The following SATB1 variants were observed in gnomAD, a reference collection of about 807,000 sequenced individuals.
The protein encoded by SATB1 is SATB homeobox 1.
Under a neutral mutation model 86.9 loss-of-function variants are expected in SATB1, and 11 were observed. The observed-to-expected ratio is 0.13, with a 90% CI of 0.08 to 0.21. SATB1 has a LOEUF of 0.21. Ranked by LOEUF, SATB1 falls within the 10% of genes least tolerant of loss-of-function variation. SATB1 has a pLI of 1.00. For synonymous variants in SATB1, 357 were observed against 357.2 expected, an observed-to-expected ratio of 1.00 and a Z score of 0.01; for missense variants, 551 against 937.6, an observed-to-expected ratio of 0.59 and a Z score of 5.39.
chr3:18,439,982 C>T (rs115797892), upstream of SATB1, among the ~76,000 whole-genome samples: 5,394 of 152,118 alleles, frequency 0.035, 117 homozygotes, highest in South Asian at 0.084. Flanking sequence ...AAAAGCTTAG[C>T]GAGTCAATCA....
At chr3:18,439,702 G>T (rs981957906), upstream of SATB1, among the ~76,000 whole-genome samples, 1 of 152,182 alleles carries the variant, frequency 6.6e-6, no homozygotes, top group Non-Finnish European at 1.5e-5. Flanking sequence ...ATGTGACTAG[G>T]TATTGATAAC....
chr3:18,400,180 TA>T (rs1697183006), intron 5 of SATB1, among the ~76,000 whole-genome samples: 3 of 152,156 alleles, frequency 2.0e-5, no homozygotes, highest in Admixed American at 2.0e-4. Context: ...GTACAGATAG[TA>T]GGCCAAGTTC....
intron 2 of SATB1, among the ~76,000 whole-genome samples, chr3:18,431,624 A>G (rs1698893979): frequency 6.6e-6 from 1 of 152,202 alleles, no homozygotes; most frequent in Non-Finnish European, 1.5e-5. Flanking sequence ...TTTGGCATCT[A>G]CCAGGTTAGG....
chr3:18,354,364 C>T (rs1186729205), intron 9 of SATB1, among the ~76,000 whole-genome samples: 1 of 152,228 alleles, frequency 6.6e-6, no homozygotes, highest in South Asian at 2.1e-4. Flanking sequence ...CCCTCTCCCC[C>T]TTGTCTGCCT....
intron 5 of SATB1, among the ~76,000 whole-genome samples, chr3:18,412,869 C>T (rs986757986): frequency 6.6e-6 from 1 of 151,928 alleles, no homozygotes; most frequent in Non-Finnish European, 1.5e-5. Context: ...GTATCAGATT[C>T]ATAGAAAAAG....
At chr3:18,350,840 T>C (rs1454878120) in intron 10 of SATB1, 2 of 161,276 alleles carry the variant, frequency 1.2e-5, no homozygotes, top group African/African-American at 2.4e-5. Flanking sequence ...TAGTTATACG[T>C]ATCTATCTAT....
rs771391639 is a variant in SATB1, at chr3:18,394,723, T to A, written c.945A>T (p.Gln315His). Reference sequence around the variant, plus strand: ...CCATCACCAGCTGCTGGTTGACCAATTGAGGACTGATAGGTGTTGATACGA... The same window carrying A: ...CCATCACCAGCTGCTGGTTGACCAAATGAGGACTGATAGGTGTTGATACGA... Reference protein sequence around the residue: ...PGLVSTPISPQLVNQQLVMAQ... With the variant: ...PGLVSTPISPHLVNQQLVMAQ... The change falls in exon 7 of 11, where the codon CAA (glutamine) becomes CAT (histidine). Residue 315 changes from glutamine (Q) to histidine (H), a missense_variant. By Grantham distance (24) the Gln-to-His change is conservative. Coordinates refer to ENST00000338745, the MANE Select transcript of SATB1 (RefSeq NM_002971.6). The surrounding 1 kb of genome is among the most constrained non-coding windows in gnomAD (Gnocchi z 5.9). 1.2e-6 allele frequency: 2 copies of A among 1,613,986 alleles called. No individual in the cohort carries two copies.
At chr3:18,393,515 A>C (rs1696800850) in intron 7 of SATB1, among the ~76,000 whole-genome samples, 2 of 152,096 alleles carry the variant, frequency 1.3e-5, no homozygotes, top group Admixed American at 1.3e-4. Context: ...CATATATATC[A>C]CTTTTTCTCC....
intron 9 of SATB1, among the ~76,000 whole-genome samples, chr3:18,370,460 G>C (rs960915067): frequency 2.6e-5 from 3 of 116,438 alleles, no homozygotes; most frequent in Middle Eastern, 6.8e-3. Flanking sequence ...TTGGGGAAAA[G>C]TATCTTAAAT....
intron 8 of SATB1, among the ~76,000 whole-genome samples, chr3:18,382,031 C>A (rs1696090356): frequency 6.6e-6 from 1 of 152,084 alleles, no homozygotes; most frequent in South Asian, 2.1e-4. Flanking sequence ...TCAAGGGATT[C>A]ATAAGAAATA....
chr3:18,357,538 G>A (rs1694705442), intron 9 of SATB1, among the ~76,000 whole-genome samples: 1 of 128,388 alleles, frequency 7.8e-6, no homozygotes, highest in Non-Finnish European at 1.6e-5. Context: ...CTAATAGAGG[G>A]CAATTTTTTT....
rs757019065 is a variant in SATB1 at position 18,349,656 on chromosome 3, CTGCTGT to C, written c.1800_1805del (p.Gln606_Gln607del). ...GCGGCGGTGCCTGCTGCTGCTGCTG[CTGCTGT>C]TGCTGTTGCTGCTGCTGTTGCTGCA... is the stretch of plus-strand genomic sequence containing the variant. On this transcript the variant is annotated inframe_deletion, in exon 11 of 11. Coordinates refer to ENST00000338745, the MANE Select transcript of SATB1 (RefSeq NM_002971.6). The surrounding 1 kb of genome is among the most constrained non-coding windows in gnomAD (Gnocchi z 5.5). 90 of 1,609,530 alleles carry C rather than the reference CTGCTGT, an allele frequency of 5.6e-5. No homozygotes were observed. Among genetic ancestry groups the C allele is most frequent in the Non-Finnish European group, 7.0e-5 (83 of 1,178,408 alleles).
intron 9 of SATB1, among the ~76,000 whole-genome samples, chr3:18,368,234 G>C (rs1351056943): frequency 6.6e-6 from 1 of 152,174 alleles, no homozygotes; most frequent in Non-Finnish European, 1.5e-5. Context: ...TATAGGAATT[G>C]AATCAAATAT....
intron 1 of SATB1, among the ~76,000 whole-genome samples, chr3:18,437,151 C>T (rs2125205461): frequency 6.6e-6 from 1 of 152,048 alleles, no homozygotes; most frequent in Admixed American, 6.6e-5. Context: ...AATTATTCCA[C>T]AAAAAGAAGT....
chr3:18,369,444 A>C (rs1168863198), intron 9 of SATB1, among the ~76,000 whole-genome samples: 1 of 152,190 alleles, frequency 6.6e-6, no homozygotes, highest in Non-Finnish European at 1.5e-5. Context: ...ATAACCTGGA[A>C]AAAAACTAGA....
At position 18,421,024 on chromosome 3, in the gene SATB1, T is replaced by C. The variant is rs941092439; in HGVS notation, c.-24-33A>G. The stretch of plus-strand genomic sequence containing the variant: ...AATTTAAAAAGAAGACACGTTATAG[T>C]TGGGCGGGGACCTACGTGTATATAT... On this transcript the variant is annotated intron_variant, in intron 1 of 10. Coordinates refer to ENST00000338745, the MANE Select transcript of SATB1 (RefSeq NM_002971.6). The C allele has an allele frequency of 7.2e-6, 11 of 1,526,040 alleles. No individual in the cohort carries two copies. The African/African-American group carries it at 1.4e-4, about 19-fold the overall frequency. The allele number at this position is 1,526,040 out of a possible 1,614,324, so 94.5% of individuals were successfully genotyped here. A position where few individuals can be genotyped will look rare whatever the true frequency, so the allele number is the denominator to read the frequency against.
intron 9 of SATB1, among the ~76,000 whole-genome samples, chr3:18,357,343 ACTT>A (rs1274922626): frequency 6.6e-6 from 1 of 151,934 alleles, no homozygotes; most frequent in African/African-American, 2.4e-5. Context: ...ATTAAATAGT[ACTT>A]CTAACAAAAA....
At position 18,348,466 on chromosome 3, in the gene SATB1, T is replaced by G. The variant is rs1013871630; in HGVS notation, c.*704A>C. Reference sequence around the variant, plus strand: ...ACATTTAACGGAAACTTCCAAAAAATTAATTACAACATGATGCTGCAGGAT... The same window carrying G: ...ACATTTAACGGAAACTTCCAAAAAAGTAATTACAACATGATGCTGCAGGAT... On this transcript the variant is annotated 3_prime_UTR_variant, in exon 11 of 11. Transcript: ENST00000338745. The G allele has an allele frequency of 6.6e-6, 1 of 152,556 alleles. No individual in the cohort carries two copies. The highest frequency in any genetic ancestry group is 2.4e-5 in the African/African-American group (1 of 41,444). The allele number at this position is 152,556 out of a possible 1,614,324, so 9.5% of individuals were successfully genotyped here.
chr3:18,377,352 A>T (rs1695812533), intron 9 of SATB1, among the ~76,000 whole-genome samples: 1 of 152,154 alleles, frequency 6.6e-6, no homozygotes, highest in African/African-American at 2.4e-5. Flanking sequence ...CAAGGGGGAA[A>T]AGAGTTTAGT....
Sources: gnomAD v4.1 joint callset for allele counts (sites outside exome capture counted in the v4.1 genomes callset) on GRCh38, gnomAD v4.1.1 for gene constraint, Gnocchi (gnomAD v3.1) non-coding constraint, MANE v1.5 for transcripts, NCBI Gene and HGNC (gene_info 2026-07-23, HGNC 2026-07-21) for gene names.